Variants in AKR1B15 observed in about 807,000 individuals in gnomAD.
The protein encoded by AKR1B15 is estradiol 17-beta-dehydrogenase AKR1B15.
A neutral mutation model predicts 38.5 loss-of-function variants in AKR1B15; 49 were observed. That is an observed-to-expected ratio of 1.27 (90% CI 1.01 to 1.62). AKR1B15 has a LOEUF of 1.62. Ranked by LOEUF, AKR1B15 falls within the 40% of genes most tolerant of loss-of-function variation. AKR1B15 has a pLI of 0.00. For missense variants in AKR1B15, 411 were observed against 381.6 expected, an observed-to-expected ratio of 1.08 and a Z score of -0.64; for synonymous variants, 137 against 135.5, an observed-to-expected ratio of 1.01 and a Z score of -0.08.
chr7:134,579,655 G>T lies in AKR1B15; in HGVS notation c.*106G>T. On this transcript the variant is annotated 3_prime_UTR_variant, in exon 12 of 12. Transcript: ENST00000457545. ...AGCCAAGCTTATCTGAGATCACAGT[G>T]AACTTTGTCCTGTTGTAGACCAGAA... 9.3e-7 allele frequency: 1 copy of T among 1,078,042 alleles called. No homozygotes were observed. Among genetic ancestry groups the T allele is most frequent in the South Asian group, 1.6e-5 (1 of 60,756 alleles). 66.8% of individuals were successfully genotyped at this position (1,078,042 alleles called of 1,614,324 possible). A position where few individuals can be genotyped will look rare whatever the true frequency, so the allele number is the denominator to read the frequency against.
In AKR1B15 at chr7:134,574,063, A is replaced by AT. The variant is rs11366036; in HGVS notation, c.514-1346dup. ...CACCGCATCCAGCTAATTAAAACAAATTTTTTTTTTTGGTAGAGACAGAGT... is the reference window on the plus strand; with the variant it reads ...CACCGCATCCAGCTAATTAAAACAAATTTTTTTTTTTTGGTAGAGACAGAGT... On this transcript the variant is annotated intron_variant, in intron 6 of 11. Coordinates refer to ENST00000457545, the MANE Select transcript of AKR1B15 (RefSeq NM_001080538.3). Among the ~76,000 whole-genome samples, 47 of 150,724 alleles carry AT rather than the reference A, an allele frequency of 3.1e-4. No individual in the cohort carries two copies. In the East Asian group the frequency reaches 7.0e-3, roughly 23 times the overall value.
chr7:134,572,283 A>T (rs1234682694), intron 6 of AKR1B15, among the ~76,000 whole-genome samples: 1 of 152,086 alleles, frequency 6.6e-6, no homozygotes, highest in Non-Finnish European at 1.5e-5. Flanking sequence ...TTAGACCCAG[A>T]CTCATCTGAA....
chr7:134,569,418 G>A lies in AKR1B15; in HGVS notation c.324G>A (p.Trp108Ter). The A allele has an allele frequency of 6.2e-7, 1 of 1,613,984 alleles. No homozygotes were observed. The highest frequency in any genetic ancestry group is 8.5e-7 in the Non-Finnish European group (1 of 1,179,914). ...REDLFIVSKV[W>*]PTFFERPLVR... ...CATTGCTACACTCTTTGCAGGTGTG[G>A]CCCACTTTCTTTGAGAGACCCCTTG... is the stretch of plus-strand genomic sequence containing the variant. Residue 108 changes from tryptophan (W) to a stop codon, truncating the protein, a stop_gained, in exon 5 of 12, where the codon TGG becomes TGA. Transcript: ENST00000457545. LOFTEE classifies it high-confidence loss of function.
intron 4 of AKR1B15, 64 bp from the exon 5 acceptor site, chr7:134,569,349 C>A (rs1193335076): frequency 2.5e-6 from 4 of 1,579,070 alleles, no homozygotes; most frequent in Non-Finnish European, 3.5e-6. Context: ...AAAGCAGGGA[C>A]AATGAGTATA....
chr7:134,562,890 CCTTCTTT>C (rs1794451157), intron 2 of AKR1B15, among the ~76,000 whole-genome samples: 1 of 119,384 alleles, frequency 8.4e-6, no homozygotes, highest in African/African-American at 3.3e-5. Context: ...TTCTTTCTTT[CCTTCTTT>C]CTTCCTTCCT....
chr7:134,573,854 G>A (rs1471711596), intron 6 of AKR1B15, among the ~76,000 whole-genome samples: 3 of 152,134 alleles, frequency 2.0e-5, no homozygotes, highest in Non-Finnish European at 4.4e-5. Flanking sequence ...CTACAACTCA[G>A]ACAAAATCAG....
At chr7:134,559,273 C>T (rs564434767) in intron 2 of AKR1B15, among the ~76,000 whole-genome samples, 4 of 152,036 alleles carry the variant, frequency 2.6e-5, no homozygotes, top group Non-Finnish European at 5.9e-5. Flanking sequence ...GTCTATACCA[C>T]AAAAAATCAA....
chr7:134,571,351 ATGG>A (rs1431344876), intron 5 of AKR1B15, among the ~76,000 whole-genome samples: 1 of 152,204 alleles, frequency 6.6e-6, no homozygotes, highest in Non-Finnish European at 1.5e-5. Context: ...CATGGTGATA[ATGG>A]TGGCTTCTGG....
At chr7:134,564,375 A>G (rs1373391403) in intron 2 of AKR1B15, among the ~76,000 whole-genome samples, 3 of 152,180 alleles carry the variant, frequency 2.0e-5, no homozygotes, top group African/African-American at 7.2e-5. Flanking sequence ...TTAGGGGAAG[A>G]GTATTGTTTT....
chr7:134,579,750 C>A lies in AKR1B15; in HGVS notation c.*201C>A. On this transcript the variant is annotated 3_prime_UTR_variant, in exon 12 of 12. Transcript: ENST00000457545. ...ATAAGAATATCACAGAAAAGCATGG[C>A]CTGAATAAGCAAATGACAATTTTTT... The A allele has an allele frequency of 2.0e-6, 1 of 505,788 alleles. No individual in the cohort carries two copies. Among genetic ancestry groups the A allele is most frequent in the Non-Finnish European group, 3.4e-6 (1 of 292,794 alleles). The allele number at this position is 505,788 out of a possible 1,614,324, so 31.3% of individuals were successfully genotyped here.
chr7:134,570,542 T>A (rs1794646967), intron 5 of AKR1B15: 1 of 152,162 alleles, frequency 6.6e-6, no homozygotes, highest in Admixed American at 6.5e-5. Context: ...TAAAAATTTC[T>A]CTCTTTGTAA....
chr7:134,569,685 T>C, intron 5 of AKR1B15, 156 bp downstream of exon 5: 3 of 723,046 alleles, frequency 4.1e-6, no homozygotes, highest in Non-Finnish European at 6.7e-6. Flanking sequence ...GTTTTTATAA[T>C]TTCTTACGCC....
At chr7:134,579,269 G>A (rs1469742084) in intron 11 of AKR1B15, among the ~76,000 whole-genome samples, 4 of 152,134 alleles carry the variant, frequency 2.6e-5, no homozygotes, top group African/African-American at 4.8e-5. Context: ...CAGGCTTACC[G>A]TGAGTTGTCA....
At chr7:134,565,530 G>C in intron 3 of AKR1B15, 1 of 1,613,884 alleles carries the variant, frequency 6.2e-7, no homozygotes, top group Non-Finnish European at 8.5e-7. Context: ...CCCATTGTGG[G>C]CCTGGGCACT....
At chr7:134,575,027 C>G (rs1386798121) in intron 6 of AKR1B15, among the ~76,000 whole-genome samples, 1 of 152,216 alleles carries the variant, frequency 6.6e-6, no homozygotes, top group African/African-American at 2.4e-5. Context: ...AACAGTAGCT[C>G]CCTGCTATCA....
In AKR1B15 at chr7:134,574,245, G is replaced by A. The variant is rs1196025184; in HGVS notation, c.514-1175G>A. ...CCAAATTGCAGCCAAAATTGAGAAG[G>A]GCTGCATAAAGTGTTCCCTGAACAT... On this transcript the variant is annotated intron_variant, in intron 6 of 11. Coordinates refer to ENST00000457545, the MANE Select transcript of AKR1B15 (RefSeq NM_001080538.3). 2.6e-5 allele frequency among the ~76,000 whole-genome samples: 4 copies of A among 152,130 alleles called. No homozygotes were observed. In the East Asian group the frequency reaches 7.7e-4, roughly 29 times the overall value.
At chr7:134,568,132 T>C (rs776840388) in intron 3 of AKR1B15, 26 bp from the exon 4 acceptor site, 176 of 1,613,350 alleles carry the variant, frequency 1.1e-4, no homozygotes, top group Admixed American at 7.7e-4. Context: ...AATACATGTG[T>C]GATGGGCTTT....
intron 5 of AKR1B15, among the ~76,000 whole-genome samples, chr7:134,571,086 G>T (rs1256421275): frequency 1.3e-5 from 2 of 152,194 alleles, no homozygotes; most frequent in African/African-American, 4.8e-5. Context: ...AGCACCCATT[G>T]CCTGGGGCTC....
intron 10 of AKR1B15, among the ~76,000 whole-genome samples, 190 bp downstream of exon 10, chr7:134,577,236 C>T (rs1585816992): frequency 6.6e-6 from 1 of 152,208 alleles, no homozygotes; most frequent in Non-Finnish European, 1.5e-5. Context: ...TAAGAACATC[C>T]TGGGGGCAGT....
Sources: gnomAD v4.1 joint callset for allele counts (sites outside exome capture counted in the v4.1 genomes callset) on GRCh38, gnomAD v4.1.1 for gene constraint, MANE v1.5 for transcripts, NCBI Gene and HGNC (gene_info 2026-07-23, HGNC 2026-07-21) for gene names.